GALNT16: variants seen among roughly 807,000 people sequenced by gnomAD.
The protein encoded by GALNT16 is UDP-GalNAc:polypeptide N-acetylgalactosaminyltransferase-like protein 1.
Under a neutral mutation model 76.1 loss-of-function variants are expected in GALNT16, and 40 were observed. The observed-to-expected ratio is 0.53, with a 90% CI of 0.41 to 0.68. The LOEUF (loss-of-function observed/expected upper bound fraction) is 0.68. Ranked by LOEUF, GALNT16 falls within the 30% of genes least tolerant of loss-of-function variation. The probability of loss-of-function intolerance (pLI) is 0.00; values close to 1 mark genes in which losing one functional copy is unlikely to be tolerated. For missense variants in GALNT16, 621 were observed against 731.9 expected (o/e 0.85, Z 1.75); for synonymous variants, 276 against 285.2 (o/e 0.97, Z 0.32).
intron 1 of GALNT16, among the ~76,000 whole-genome samples, chr14:69,315,906 C>T (rs1318395628): frequency 6.6e-6 from 1 of 152,032 alleles, no homozygotes; most frequent in East Asian, 1.9e-4. Context: ...AAGGTTTCTC[C>T]ATGTGATGGA....
At chr14:69,359,044 C>T (rs2045708981), downstream of GALNT16, 1 of 152,380 alleles carries the variant, frequency 6.6e-6, no homozygotes, top group African/African-American at 2.4e-5. Context: ...GATCCCCCAC[C>T]TGTCTGAAAA....
the GALNT16 span, among the ~76,000 whole-genome samples, chr14:69,362,222 C>A: frequency 6.6e-6 from 1 of 152,210 alleles, no homozygotes; most frequent in Non-Finnish European, 1.5e-5. Context: ...CTGTTTTCTC[C>A]CTGCCTCCTG....
chr14:69,325,469 C>G (rs923037226), intron 4 of GALNT16, 65 bp downstream of exon 4: 1 of 951,378 alleles, frequency 1.1e-6, no homozygotes, highest in African/African-American at 1.6e-5. Context: ...CCCAGAACAC[C>G]AAGGCAAGCA....
the GALNT16 span, among the ~76,000 whole-genome samples, chr14:69,374,473 A>G: frequency 6.6e-6 from 1 of 152,148 alleles, no homozygotes; most frequent in Non-Finnish European, 1.5e-5. Context: ...GCATTTTCCT[A>G]TGCTACCTCA....
chr14:69,343,186 C>T (rs377753444), intron 12 of GALNT16, among the ~76,000 whole-genome samples: 3 of 152,306 alleles, frequency 2.0e-5, no homozygotes, highest in African/African-American at 4.8e-5. Flanking sequence ...CGTGTCCCAC[C>T]GCTGCCAGCT....
the GALNT16 span, among the ~76,000 whole-genome samples, chr14:69,363,746 C>G: frequency 1.3e-5 from 2 of 152,198 alleles, no homozygotes; most frequent in Non-Finnish European, 2.9e-5. Flanking sequence ...AAGGCACTGA[C>G]TCTAACCCCA....
intron 1 of GALNT16, among the ~76,000 whole-genome samples, chr14:69,264,272 A>G (rs2044312155): frequency 6.6e-6 from 1 of 152,236 alleles, no homozygotes; most frequent in Non-Finnish European, 1.5e-5. Flanking sequence ...CTGAATGACC[A>G]TGGACACAAT....
intron 2 of GALNT16, among the ~76,000 whole-genome samples, chr14:69,321,611 T>A (rs1363348188): frequency 6.6e-6 from 1 of 152,080 alleles, no homozygotes. Context: ...CACTTGATGG[T>A]CCTGCAGTCC....
rs764226746 is a variant in GALNT16, at chr14:69,325,442, G to A, written c.502+38G>A. ...CTTCCTTTTTGCAGCCCTCCATTCC[G>A]CCCTCGTCCCTGTTTCCCCAGAACA... is the stretch of plus-strand genomic sequence containing the variant. On this transcript the variant is annotated intron_variant, in intron 4 of 14. Transcript: ENST00000448469. The A allele has an allele frequency of 2.0e-5, 24 of 1,206,346 alleles. No individual in the cohort carries two copies. In the East Asian group the frequency reaches 2.3e-4, roughly 12 times the overall value. 74.7% of individuals were successfully genotyped at this position (1,206,346 alleles called of 1,614,324 possible). A position where few individuals can be genotyped will look rare whatever the true frequency, so the allele number is the denominator to read the frequency against.
chr14:69,329,511 T>A (rs1167152490), intron 6 of GALNT16, among the ~76,000 whole-genome samples: 2 of 152,212 alleles, frequency 1.3e-5, no homozygotes, highest in African/African-American at 4.8e-5. Flanking sequence ...CCTACCAGGA[T>A]GGCTAGAATC....
chr14:69,373,151 C>T, the GALNT16 span, among the ~76,000 whole-genome samples: 2 of 152,224 alleles, frequency 1.3e-5, no homozygotes, highest in Non-Finnish European at 1.5e-5. Context: ...CAACTATACT[C>T]TTTTTCTCCA....
chr14:69,360,142 C>A (rs1057175607), downstream of GALNT16, among the ~76,000 whole-genome samples: 1 of 152,162 alleles, frequency 6.6e-6, no homozygotes, highest in African/African-American at 2.4e-5. Context: ...CACTTGAACT[C>A]AGGAGTTTGA....
chr14:69,273,563 A>AT (rs2044433088), intron 1 of GALNT16, among the ~76,000 whole-genome samples: 1 of 152,118 alleles, frequency 6.6e-6, no homozygotes, highest in Non-Finnish European at 1.5e-5. Flanking sequence ...TCTTGGAGTG[A>AT]TTTTTCTCCA....
the GALNT16 span, among the ~76,000 whole-genome samples, chr14:69,368,995 ATTT>A: frequency 1.3e-5 from 2 of 152,126 alleles, no homozygotes; most frequent in African/African-American, 2.4e-5. Context: ...CATTCCTGTA[ATTT>A]GTTTACACAA....
intron 2 of GALNT16, among the ~76,000 whole-genome samples, chr14:69,322,526 A>G (rs1013446005): frequency 3.3e-5 from 5 of 152,208 alleles, no homozygotes; most frequent in African/African-American, 1.2e-4. Context: ...GTACATTTTT[A>G]AATGAGACGC....
chr14:69,322,200 G>A (rs550455063), intron 2 of GALNT16, among the ~76,000 whole-genome samples: 7 of 152,346 alleles, frequency 4.6e-5, no homozygotes, highest in African/African-American at 1.4e-4. Flanking sequence ...CTCCTGCTTC[G>A]CGGCAAGGAC....
chr14:69,352,080 G>A lies in GALNT16; in HGVS notation c.1589G>A (p.Cys530Tyr), dbSNP rs1314328654. ...SFIQHSVSGL[C>Y]LETKPAQLVT... ...ATCCAGCATTCAGTCAGTGGCCTCTGCCTGGAGACAAAGCCTGCCCAGCTG... is the reference window on the plus strand; with the variant it reads ...ATCCAGCATTCAGTCAGTGGCCTCTACCTGGAGACAAAGCCTGCCCAGCTG... Residue 530 changes from cysteine to tyrosine, a missense_variant, in exon 15 of 15, where the codon TGC becomes TAC. Physicochemically the swap from Cys to Tyr is radical, Grantham distance 194. Transcript: ENST00000448469. 1 of 1,614,088 alleles carries A rather than the reference G, an allele frequency of 6.2e-7. No individual in the cohort carries two copies. Among genetic ancestry groups the A allele is most frequent in the Non-Finnish European group, 8.5e-7 (1 of 1,179,920 alleles).
the GALNT16 span, among the ~76,000 whole-genome samples, chr14:69,382,807 A>C: frequency 4.6e-5 from 7 of 151,998 alleles, no homozygotes; most frequent in African/African-American, 1.7e-4. Context: ...AAAAAAAAAA[A>C]AAGCAATAAT....
At chr14:69,323,577 C>T (rs182177290) in intron 2 of GALNT16, among the ~76,000 whole-genome samples, 102 of 152,262 alleles carry the variant, frequency 6.7e-4, no homozygotes, top group East Asian at 1.9e-4. Context: ...CCAGCTCAGC[C>T]GGCCAAGCTC....
Sources: allele counts gnomAD v4.1 joint callset (sites outside exome capture counted in the v4.1 genomes callset), GRCh38; gene constraint gnomAD v4.1.1; transcripts MANE v1.5; gene names NCBI Gene and HGNC (gene_info 2026-07-23, HGNC 2026-07-21).